Variants in GET1 observed in about 807,000 individuals in gnomAD.
GET1 encodes the protein congenital heart disease 5 protein.
In GET1, 20 loss-of-function variants were observed where a neutral mutation model predicts 22.6. The ratio of observed to expected loss-of-function variants is 0.89; its 90% confidence interval spans 0.62 to 1.29. The LOEUF (loss-of-function observed/expected upper bound fraction) is 1.29, where lower values mean the gene tolerates loss of function less well. GET1 is among the 50% of genes most tolerant of loss of function. GET1 has a pLI of 0.00. For synonymous variants in GET1, 92 were observed against 83.8 expected, an observed-to-expected ratio of 1.10 and a Z score of -0.53; for missense variants, 209 against 219.9, an observed-to-expected ratio of 0.95 and a Z score of 0.31.
At chr21:39,418,246 T>C (rs538421668) in intron 1 of GET1, among the ~76,000 whole-genome samples, 2 of 152,310 alleles carry the variant, frequency 1.3e-5, no homozygotes, top group East Asian at 3.9e-4. Context: ...AGCCAAACCA[T>C]ATCAAGGATA....
rs2038706876 is a variant in GET1 at position 39,397,118 on chromosome 21, C to CAA, written c.*180_*181insAA. The CAA allele has an allele frequency of 6.1e-6, 4 of 659,352 alleles. No homozygotes were observed. Among genetic ancestry groups the CAA allele is most frequent in the Non-Finnish European group, 1.0e-5 (4 of 392,710 alleles). The allele number at this position is 659,352 out of a possible 1,614,324, so 40.8% of individuals were successfully genotyped here. On this transcript the variant is annotated 3_prime_UTR_variant, in exon 5 of 5. Transcript: ENST00000649170. ...GTCTTATAAGAATCACGATTTTCTA[C>CAA]ACCTGTCATTGAGCCAAGAAAGTCC... is the stretch of plus-strand genomic sequence containing the variant.
chr21:39,385,142 A>G (rs535097618), intron 1 of GET1, among the ~76,000 whole-genome samples: 38 of 152,256 alleles, frequency 2.5e-4, no homozygotes, highest in African/African-American at 7.5e-4. Flanking sequence ...AGCAGCAGAA[A>G]GTCGAATTGG....
At chr21:39,400,161 G>GGTGTGTGT (rs113184350), downstream of GET1, among the ~76,000 whole-genome samples, 7 of 150,902 alleles carry the variant, frequency 4.6e-5, no homozygotes, top group African/African-American at 1.5e-4. Context: ...TCATGGGAGA[G>GGTGTGTGT]GTGTGTGTGT....
At chr21:39,411,928 G>A (rs1569069892) in intron 1 of GET1, 10 of 579,790 alleles carry the variant, frequency 1.7e-5, no homozygotes, top group Non-Finnish European at 3.1e-5. Flanking sequence ...AGAAGAAACA[G>A]AAATAGGCCA....
intron 1 of GET1, among the ~76,000 whole-genome samples, chr21:39,383,527 C>T (rs931355759): frequency 2.0e-5 from 3 of 151,966 alleles, no homozygotes; most frequent in African/African-American, 7.3e-5. Flanking sequence ...GGTGATCTGC[C>T]CACCTTGGCC....
downstream of GET1, among the ~76,000 whole-genome samples, chr21:39,409,687 G>A (rs928213692): frequency 6.6e-5 from 10 of 152,112 alleles, no homozygotes; most frequent in African/African-American, 2.4e-4. This position sits in a 1 kb window ranked among gnomAD's most constrained non-coding sequence, Gnocchi z 4.2. Flanking sequence ...CTGCCTCCTG[G>A]GTCCAAGCGA....
chr21:39,404,801 C>T (rs887754061), intron 4 of GET1, among the ~76,000 whole-genome samples: 3 of 145,414 alleles, frequency 2.1e-5, no homozygotes, highest in Non-Finnish European at 4.5e-5. Flanking sequence ...TTGGTAATCA[C>T]TATATATATA....
chr21:39,393,862 C>T (rs2038468764), intron 4 of GET1, among the ~76,000 whole-genome samples: 1 of 150,970 alleles, frequency 6.6e-6, no homozygotes, highest in African/African-American at 2.4e-5. Context: ...GTTGGCCAGG[C>T]TGGTCTCAAA....
intron 1 of GET1, among the ~76,000 whole-genome samples, chr21:39,388,353 C>T (rs989436711): frequency 6.6e-6 from 1 of 152,208 alleles, no homozygotes; most frequent in Non-Finnish European, 1.5e-5. Context: ...TTACCACGAT[C>T]TGATCCTCAG....
chr21:39,392,034 G>T (rs750697808), intron 3 of GET1, 198 bp downstream of exon 3: 3 of 556,378 alleles, frequency 5.4e-6, no homozygotes, highest in Non-Finnish European at 9.5e-6. Flanking sequence ...GAGGAGAGTT[G>T]TTAAAGTTTG....
At chr21:39,428,514 A>C in exon 2 of GET1, 3 of 1,441,736 alleles carry the variant, frequency 2.1e-6, no homozygotes, top group Non-Finnish European at 2.8e-6. Flanking sequence ...CTAATAAAAG[A>C]AAAGTAAAAC....
At chr21:39,406,337 G>A (rs1334557961) in exon 5 of GET1, 1 of 1,614,134 alleles carries the variant, frequency 6.2e-7, no homozygotes, top group Admixed American at 1.7e-5. Flanking sequence ...TGTCTTCTTT[G>A]TCTGAGGGGG....
At chr21:39,406,077 G>A in exon 5 of GET1, 2 of 1,614,144 alleles carry the variant, frequency 1.2e-6, no homozygotes, top group Admixed American at 3.3e-5. Flanking sequence ...TCAAGACATA[G>A]CCTGATCCAA....
chr21:39,397,091 G>T lies in GET1; in HGVS notation c.*152G>T, dbSNP rs1060180. ...ATGTTTGTTCTTGGACTTTATGAGA[G>T]AGTCTTATAAGAATCACGATTTTCT... is the stretch of plus-strand genomic sequence containing the variant. On this transcript the variant is annotated 3_prime_UTR_variant, in exon 5 of 5. Transcript: ENST00000649170. The T allele has an allele frequency of 0.68, 518,783 of 764,006 alleles. 178,322 individuals are homozygous for T. Among genetic ancestry groups the T allele is most frequent in the East Asian group, 0.8 (29,707 of 37,202 alleles). The allele number at this position is 764,006 out of a possible 1,614,324, so 47.3% of individuals were successfully genotyped here.
intron 1 of GET1, chr21:39,423,353 G>C (rs2074068131): frequency 1.2e-6 from 2 of 1,612,552 alleles, no homozygotes; most frequent in Non-Finnish European, 1.7e-6. Flanking sequence ...TCATTTTTTA[G>C]TCCTTTAATT....
intron 1 of GET1, among the ~76,000 whole-genome samples, chr21:39,425,680 CAG>C (rs1398885443): frequency 2.6e-5 from 4 of 151,898 alleles, no homozygotes; most frequent in Non-Finnish European, 2.9e-5. Context: ...TGGTTTAAAA[CAG>C]GGGTGGGCGA....
intron 1 of GET1, among the ~76,000 whole-genome samples, chr21:39,390,049 T>G (rs1042376201): frequency 2.6e-5 from 4 of 151,026 alleles, no homozygotes; most frequent in Admixed American, 1.3e-4. Context: ...TGAGTTTTTT[T>G]TTTTTTTTTT....
intron 4 of GET1, among the ~76,000 whole-genome samples, chr21:39,403,366 G>A (rs926296299): frequency 3.9e-5 from 6 of 152,130 alleles, no homozygotes; most frequent in South Asian, 2.1e-4. Flanking sequence ...TCGCTCTGTT[G>A]CCCAGGCTGG....
At chr21:39,420,718 T>C (rs770636202) in intron 1 of GET1, 1 of 1,611,808 alleles carries the variant, frequency 6.2e-7, no homozygotes, top group Non-Finnish European at 8.5e-7. Context: ...TAAGTTTTTG[T>C]TGAAGGTGTT....
Sources: allele counts gnomAD v4.1 joint callset (sites outside exome capture counted in the v4.1 genomes callset), GRCh38; gene constraint gnomAD v4.1.1; non-coding constraint Gnocchi (gnomAD v3.1); transcripts MANE v1.5; gene names NCBI Gene and HGNC (gene_info 2026-07-23, HGNC 2026-07-21).